The following GABBR2 variants were observed in gnomAD, a reference collection of about 807,000 sequenced individuals.
GABBR2 encodes the protein gamma-aminobutyric acid type B receptor subunit 2.
In GABBR2, 23 loss-of-function variants were observed where a neutral mutation model predicts 105.6. That is an observed-to-expected ratio of 0.22 (90% confidence interval 0.16 to 0.31). The LOEUF (loss-of-function observed/expected upper bound fraction) is 0.31. GABBR2 is among the 10% of genes least tolerant of loss of function. GABBR2 has a pLI of 1.00. For synonymous variants in GABBR2, 478 were observed against 499.7 expected (o/e 0.96, Z 0.58); for missense variants, 734 against 1,245.5 (o/e 0.59, Z 6.18).
intron 1 of GABBR2, among the ~76,000 whole-genome samples, chr9:98,693,839 A>G (rs924091018): frequency 2.6e-5 from 4 of 152,212 alleles, no homozygotes; most frequent in Admixed American, 2.0e-4. Context: ...TGTGGACACA[A>G]GGTTGGAATT....
intron 4 of GABBR2, among the ~76,000 whole-genome samples, chr9:98,487,524 C>T (rs960586891): frequency 2.0e-5 from 3 of 152,224 alleles, no homozygotes; most frequent in Admixed American, 1.3e-4. Flanking sequence ...CCTGTAATCC[C>T]AGCACATTAG....
chr9:98,343,642 G>A (rs534609126), intron 13 of GABBR2, among the ~76,000 whole-genome samples: 2 of 152,280 alleles, frequency 1.3e-5, no homozygotes, highest in Admixed American at 1.3e-4. Context: ...GGCAGATCAT[G>A]AGGTCAGGAG....
intron 18 of GABBR2, among the ~76,000 whole-genome samples, chr9:98,292,402 C>T (rs10985757): frequency 0.14 from 21,096 of 152,144 alleles, 1,778 homozygotes; most frequent in Non-Finnish European, 0.18. Context: ...GTGGTGGAGG[C>T]GAATCAACTC....
intron 11 of GABBR2, among the ~76,000 whole-genome samples, chr9:98,377,027 C>T (rs1191060744): frequency 6.6e-6 from 1 of 152,240 alleles, no homozygotes; most frequent in Non-Finnish European, 1.5e-5. Context: ...CGAAATTCAG[C>T]TCCTGCCCCT....
chr9:98,663,479 G>T (rs1049815582), intron 1 of GABBR2, among the ~76,000 whole-genome samples: 2 of 152,046 alleles, frequency 1.3e-5, no homozygotes, highest in African/African-American at 4.8e-5. Flanking sequence ...ATAATTAGCG[G>T]CAAGGTCAGA....
chr9:98,300,161 G>A (rs1296201491), intron 16 of GABBR2, among the ~76,000 whole-genome samples: 2 of 151,700 alleles, frequency 1.3e-5, no homozygotes, highest in Non-Finnish European at 2.9e-5. Context: ...ACTGTGCCTG[G>A]CCTTATAATT....
At chr9:98,501,149 GCTC>G (rs1827392251) in intron 3 of GABBR2, among the ~76,000 whole-genome samples, 5 of 42,892 alleles carry the variant, frequency 1.2e-4, no homozygotes, top group African/African-American at 3.0e-4. Flanking sequence ...CCCGCCCCCT[GCTC>G]CTTTTTTTTT....
intron 7 of GABBR2, among the ~76,000 whole-genome samples, chr9:98,429,353 C>A (rs1825759088): frequency 6.6e-6 from 1 of 152,054 alleles, no homozygotes; most frequent in African/African-American, 2.4e-5. Context: ...GCTGGCCAGG[C>A]TGGTCTTGGA....
intron 13 of GABBR2, among the ~76,000 whole-genome samples, chr9:98,319,413 A>AT (rs1418653667): frequency 2.7e-5 from 4 of 150,072 alleles, no homozygotes; most frequent in African/African-American, 7.4e-5. Flanking sequence ...TCAAGTAAGC[A>AT]TTTTTTTTGT....
intron 13 of GABBR2, among the ~76,000 whole-genome samples, chr9:98,362,028 G>A (rs149608863): frequency 6.6e-6 from 1 of 152,258 alleles, no homozygotes; most frequent in African/African-American, 2.4e-5. Flanking sequence ...TATTTTCTTA[G>A]AGTTTGTTAC....
intron 1 of GABBR2, among the ~76,000 whole-genome samples, chr9:98,601,864 GGGTAGT>G (rs1206681123): frequency 6.6e-6 from 1 of 152,212 alleles, no homozygotes; most frequent in Non-Finnish European, 1.5e-5. Context: ...TGCAAGTGTG[GGGTAGT>G]GGATGTCAAG....
At chr9:98,380,265 C>T (rs559975715) in intron 11 of GABBR2, among the ~76,000 whole-genome samples, 4 of 152,336 alleles carry the variant, frequency 2.6e-5, no homozygotes, top group Non-Finnish European at 4.4e-5. Context: ...TACTACCCCA[C>T]GCCCAGGAAT....
At chr9:98,698,691 G>C (rs939861880) in intron 1 of GABBR2, among the ~76,000 whole-genome samples, 1 of 151,988 alleles carries the variant, frequency 6.6e-6, no homozygotes, top group South Asian at 2.1e-4. Context: ...GTAGAGACGG[G>C]GTTTCACCAT....
chr9:98,706,845 C>G (rs896656530), intron 1 of GABBR2, among the ~76,000 whole-genome samples: 8 of 152,232 alleles, frequency 5.3e-5, no homozygotes, highest in African/African-American at 1.9e-4. Context: ...CTCCGTGTAA[C>G]TGCATTGCTG....
At chr9:98,542,676 T>A (rs891242408) in intron 2 of GABBR2, among the ~76,000 whole-genome samples, 14 of 152,158 alleles carry the variant, frequency 9.2e-5, no homozygotes, top group African/African-American at 3.4e-4. Context: ...CAAAAAACAT[T>A]TTATCGGTTT....
intron 13 of GABBR2, among the ~76,000 whole-genome samples, chr9:98,334,742 C>G (rs1362160738): frequency 6.6e-6 from 1 of 152,192 alleles, no homozygotes; most frequent in Non-Finnish European, 1.5e-5. Flanking sequence ...CACAGGTTGT[C>G]TCAGCCTCCT....
chr9:98,416,678 C>T (rs1194887515), intron 7 of GABBR2, among the ~76,000 whole-genome samples: 6 of 152,220 alleles, frequency 3.9e-5, no homozygotes, highest in Non-Finnish European at 7.3e-5. Context: ...AGAATACTAG[C>T]TGTGCAGGGC....
chr9:98,389,481 C>A (rs957648085), intron 9 of GABBR2, among the ~76,000 whole-genome samples: 6 of 152,224 alleles, frequency 3.9e-5, no homozygotes, highest in Admixed American at 3.3e-4. Context: ...TCCATGGTGA[C>A]ACATAGGTGT....
rs905979430 is a variant in GABBR2, at chr9:98,551,663, A to G, written c.460-9620T>C. The stretch of plus-strand genomic sequence containing the variant: ...AGCTGGAGGCCTCTAGCCTGCCGTG[A>G]TATGTTTCATGAGCGTTCAGGGCCT... On this transcript the variant is annotated intron_variant, in intron 2 of 18. Coordinates refer to ENST00000259455, the MANE Select transcript of GABBR2 (RefSeq NM_005458.8). 5.3e-5 allele frequency among the ~76,000 whole-genome samples: 8 copies of G among 152,102 alleles called. No individual in the cohort carries two copies. The East Asian group carries it at 1.2e-3, about 22-fold the overall frequency.
Sources: gnomAD v4.1 joint callset for allele counts (sites outside exome capture counted in the v4.1 genomes callset) on GRCh38, gnomAD v4.1.1 for gene constraint, MANE v1.5 for transcripts, NCBI Gene and HGNC (gene_info 2026-07-23, HGNC 2026-07-21) for gene names.